Variants in DDX54 observed in about 807,000 individuals in gnomAD.
The protein encoded by DDX54 is ATP-dependent RNA helicase DDX54.
DDX54 carries 67 observed loss-of-function variants against 105.5 expected under a neutral mutation model. The ratio of observed to expected loss-of-function variants is 0.64; its 90% CI spans 0.52 to 0.78. DDX54 has a LOEUF of 0.78. Ranked by LOEUF, DDX54 falls within the 30% of genes least tolerant of loss-of-function variation. The pLI is 0.00. For synonymous variants in DDX54, 514 were observed against 509.9 expected (o/e 1.01, Z -0.11); for missense variants, 1,206 against 1,230.5 (o/e 0.98, Z 0.30).
chr12:113,175,022 C>T lies in DDX54; in HGVS notation c.874+14G>A, dbSNP rs374279389. 3.9e-4 allele frequency: 625 copies of T among 1,613,490 alleles called. No individual in the cohort carries two copies. Among genetic ancestry groups the T allele is most frequent in the Non-Finnish European group, 5.0e-4 (595 of 1,179,872 alleles). Reference sequence around the variant, plus strand: ...CTGACCCCCAGCCCCCATCTCCACCCCCAGCTCACGCACCAGCCCGGGCAA... The same window carrying T: ...CTGACCCCCAGCCCCCATCTCCACCTCCAGCTCACGCACCAGCCCGGGCAA... On this transcript the variant is annotated intron_variant, in intron 8 of 19. Coordinates refer to ENST00000306014, the MANE Select transcript of DDX54 (RefSeq NM_024072.4).
Position 113,185,432 on chromosome 12 carries a change from G to T in DDX54, c.20C>A (p.Pro7Gln). The T allele has an allele frequency of 2.6e-6, 4 of 1,519,256 alleles. 1 individual carries two copies. The South Asian group carries it at 4.9e-5, about 19-fold the overall frequency. The allele number at this position is 1,519,256 out of a possible 1,614,324, so 94.1% of individuals were successfully genotyped here. A position where few individuals can be genotyped will look rare whatever the true frequency, so the allele number is the denominator to read the frequency against. The change falls in exon 1 of 20, where the codon CCG becomes CAG. Residue 7 changes from proline to glutamine, a missense_variant. Coordinates refer to ENST00000306014, the MANE Select transcript of DDX54 (RefSeq NM_024072.4). ...AGCTCGCGACCGAGGTCCAGCCGCC[G>T]GGCCCTTGTCGGCCGCCATTCGGGC... is the stretch of plus-strand genomic sequence containing the variant. Reference protein sequence around the residue: MAADKGPAAGPRSRAAM... With the variant: MAADKGQAAGPRSRAAM...
chr12:113,162,964 C>T lies in DDX54; in HGVS notation c.2163G>A (p.Gln721=). ...AVLDLMGDEA[Q]NLTRGRQQLK... Reference sequence around the variant, plus strand: ...GCTGCTGCCGGCCCCTCGTCAGGTTCTGGGCTTCATCCCCCATCAAGTCCA... The same window carrying T: ...GCTGCTGCCGGCCCCTCGTCAGGTTTTGGGCTTCATCCCCCATCAAGTCCA... The change falls in exon 17 of 20, where the codon CAG becomes CAA. Residue 721 remains glutamine, a synonymous_variant. Coordinates refer to ENST00000306014, the MANE Select transcript of DDX54 (RefSeq NM_024072.4). The T allele has an allele frequency of 6.2e-7, 1 of 1,607,894 alleles. No individual in the cohort carries two copies. The highest frequency in any genetic ancestry group is 8.5e-7 in the Non-Finnish European group (1 of 1,179,608).
At position 113,161,984 on chromosome 12, in the gene DDX54, T is replaced by A; in HGVS notation, c.2209A>T (p.Lys737Ter). Reference sequence around the variant, plus strand: ...TGTCCTGACTGTCCCACAAACCGCTTCTTCTTACGGTCCCTGCAGGAGAGG... The same window carrying A: ...TGTCCTGACTGTCCCACAAACCGCTACTTCTTACGGTCCCTGCAGGAGAGG... ...RQQLKWDRKK[K>*]RFVGQSGQED... The change falls in exon 18 of 20, where the codon AAG (lysine) becomes TAG (stop). Residue 737 changes from lysine (K) to a stop codon, truncating the protein, a stop_gained. Transcript: ENST00000306014. LOFTEE classifies it high-confidence loss of function. 10 of 1,612,854 alleles carry A rather than the reference T, an allele frequency of 6.2e-6. No individual in the cohort carries two copies. The highest frequency in any genetic ancestry group is 8.5e-6 in the Non-Finnish European group (10 of 1,179,726).
At chr12:113,183,166 C>T (rs551057762) in intron 1 of DDX54, among the ~76,000 whole-genome samples, 1 of 152,218 alleles carries the variant, frequency 6.6e-6, no homozygotes, top group Admixed American at 6.5e-5. Flanking sequence ...GGCCAACAAC[C>T]TTTGAAACAT....
At chr12:113,175,514 G>A (rs1593006052) in intron 7 of DDX54, among the ~76,000 whole-genome samples, 2 of 152,196 alleles carry the variant, frequency 1.3e-5, no homozygotes, top group African/African-American at 2.4e-5. Flanking sequence ...GGGGCCGGGC[G>A]CAGTGGCTCA....
chr12:113,162,059 C>T (rs960407258), intron 17 of DDX54, 62 bp from the exon 18 acceptor site: 8 of 1,517,376 alleles, frequency 5.3e-6, no homozygotes, highest in Non-Finnish European at 7.3e-6. Flanking sequence ...CCGGCTGCCG[C>T]TTGGGGCCTG....
intron 19 of DDX54, among the ~76,000 whole-genome samples, chr12:113,159,442 G>GT (rs1183070613): frequency 6.6e-6 from 1 of 152,150 alleles, no homozygotes; most frequent in Non-Finnish European, 1.5e-5. Context: ...CATTTCCATG[G>GT]TGTAAAGTGG....
intron 3 of DDX54, 65 bp downstream of exon 3, chr12:113,179,870 G>A (rs1277759441): frequency 6.3e-7 from 1 of 1,574,978 alleles, no homozygotes; most frequent in Non-Finnish European, 8.7e-7. Context: ...GGCTGTCAAG[G>A]GGCCAGAGAG....
At chr12:113,170,002 G>C in intron 11 of DDX54, 98 bp from the exon 12 acceptor site, 1 of 1,506,530 alleles carries the variant, frequency 6.6e-7, no homozygotes, top group South Asian at 1.3e-5. Context: ...GCCTGGCCAA[G>C]CCTCGAACCT....
At position 113,176,857 on chromosome 12, in the gene DDX54, C is replaced by T. The variant is rs759373973; in HGVS notation, c.735G>A (p.Val245=). 1.2e-6 allele frequency: 2 copies of T among 1,614,192 alleles called. No homozygotes were observed. ...SLKLQSVEYV[V]FDEADRLFEM... is the part of the protein sequence containing the mutation. Reference sequence around the variant, plus strand: ...AGCCTTACCGGTCAGCTTCATCGAACACCACGTATTCCACACTCTGCAGCT... The same window carrying T: ...AGCCTTACCGGTCAGCTTCATCGAATACCACGTATTCCACACTCTGCAGCT... Residue 245 remains valine, a synonymous_variant, in exon 7 of 20, where the codon GTG becomes GTA. Coordinates refer to ENST00000306014, the MANE Select transcript of DDX54 (RefSeq NM_024072.4).
rs186652304 is a variant in DDX54, at chr12:113,163,942, G to A, written c.1938+125C>T. The A allele has an allele frequency of 2.7e-4, 386 of 1,421,276 alleles. 1 individual carries two copies. The Admixed American group carries it at 4.0e-3, about 15-fold the overall frequency. 88.0% of individuals were successfully genotyped at this position (1,421,276 alleles called of 1,614,324 possible). On this transcript the variant is annotated intron_variant, in intron 15 of 19. Coordinates refer to ENST00000306014, the MANE Select transcript of DDX54 (RefSeq NM_024072.4). This position sits in a 1 kb window ranked among gnomAD's most constrained non-coding sequence, Gnocchi z 5.9. ...AGAACCATGCCCCGACTCTGCAGAT[G>A]GGAAGCTGACTGCATCCACCTCCAT...
intron 7 of DDX54, among the ~76,000 whole-genome samples, chr12:113,176,117 T>C (rs1952400464): frequency 6.6e-6 from 1 of 151,966 alleles, no homozygotes; most frequent in South Asian, 2.1e-4. Context: ...TGCTACTTTA[T>C]CCCCATTTTG....
intron 10 of DDX54, 137 bp downstream of exon 10, chr12:113,174,503 A>T: frequency 2.3e-6 from 3 of 1,299,508 alleles, no homozygotes; most frequent in Non-Finnish European, 3.1e-6. Flanking sequence ...ATAAAAAATA[A>T]AAATAAAAAT....
chr12:113,173,170 T>A (rs1175135952), intron 10 of DDX54, among the ~76,000 whole-genome samples: 1 of 151,850 alleles, frequency 6.6e-6, no homozygotes, highest in Non-Finnish European at 1.5e-5. Flanking sequence ...CAAGACACCA[T>A]CTCTACAAAA....
rs752523847 is a variant in DDX54, at chr12:113,185,437, C to G, written c.15G>C (p.Lys5Asn). 2.6e-6 allele frequency: 4 copies of G among 1,510,456 alleles called. No homozygotes were observed. Among genetic ancestry groups the G allele is most frequent in the Non-Finnish European group, 3.5e-6 (4 of 1,132,786 alleles). 93.6% of individuals were successfully genotyped at this position (1,510,456 alleles called of 1,614,324 possible). A position where few individuals can be genotyped will look rare whatever the true frequency, so the allele number is the denominator to read the frequency against. ...GCGACCGAGGTCCAGCCGCCGGGCC[C>G]TTGTCGGCCGCCATTCGGGCCGCGC... MAAD[K>N]GPAAGPRSRA... The change falls in exon 1 of 20, where the codon AAG becomes AAC. Residue 5 changes from lysine to asparagine, a missense_variant. Lys to Asn is a moderately conservative substitution (Grantham distance 94). Coordinates refer to ENST00000306014, the MANE Select transcript of DDX54 (RefSeq NM_024072.4).
chr12:113,181,278 C>T (rs957614942), intron 1 of DDX54, among the ~76,000 whole-genome samples: 3 of 151,780 alleles, frequency 2.0e-5, no homozygotes, highest in Non-Finnish European at 2.9e-5. Flanking sequence ...AATCTCAATC[C>T]CAAAAGTAAG....
At chr12:113,172,295 G>A (rs934520262) in intron 11 of DDX54, 58 bp downstream of exon 11, 65 of 1,567,110 alleles carry the variant, frequency 4.1e-5, no homozygotes, top group Middle Eastern at 2.0e-4. Flanking sequence ...TTGTACCCTC[G>A]GCTTCTGCCA....
chr12:113,182,953 G>C (rs1952484199), intron 1 of DDX54, among the ~76,000 whole-genome samples: 1 of 150,542 alleles, frequency 6.6e-6, no homozygotes, highest in Non-Finnish European at 1.5e-5. Context: ...GGCTCACCTA[G>C]CTCAGGTGAT....
intron 11 of DDX54, 42 bp downstream of exon 11, chr12:113,172,311 C>T (rs200057980): frequency 7.8e-4 from 1,234 of 1,591,320 alleles, no homozygotes; most frequent in Admixed American, 1.0e-3. Flanking sequence ...TGCCAGGATC[C>T]GGCACCCCTG....
Sources: gnomAD v4.1 joint callset for allele counts (sites outside exome capture counted in the v4.1 genomes callset) on GRCh38, gnomAD v4.1.1 for gene constraint, Gnocchi (gnomAD v3.1) non-coding constraint, MANE v1.5 for transcripts, NCBI Gene and HGNC (gene_info 2026-07-23, HGNC 2026-07-21) for gene names.